ARFGEF2: variants seen among roughly 807,000 people sequenced by gnomAD.
ARFGEF2 encodes brefeldin A-inhibited guanine nucleotide-exchange protein 2.
In ARFGEF2, 74 loss-of-function variants were observed where a neutral mutation model predicts 219.9. The observed-to-expected ratio is 0.34, with a 90% confidence interval of 0.28 to 0.41. ARFGEF2 has a LOEUF of 0.41. Ranked by LOEUF, ARFGEF2 falls within the 10% of genes least tolerant of loss-of-function variation. The pLI, the probability that ARFGEF2 is intolerant of heterozygous loss-of-function variation, is 1.00. For missense variants in ARFGEF2, 1,743 were observed against 2,218.3 expected (o/e 0.79, Z 4.30); for synonymous variants, 733 against 799.2 (o/e 0.92, Z 1.40).
In ARFGEF2 at chr20:48,991,218, G is replaced by C. The variant is rs756024978; in HGVS notation, c.2973+20G>C. ...CATGAGGTACGTGTCTCTTTGAATT[G>C]CCTTTTCTCAGTTAGGATGACTCCT... On this transcript the variant is annotated intron_variant, in intron 21 of 38. Transcript: ENST00000371917. The C allele has an allele frequency of 6.2e-7, 1 of 1,614,064 alleles. No homozygotes were observed. Among genetic ancestry groups the C allele is most frequent in the Non-Finnish European group, 8.5e-7 (1 of 1,179,984 alleles).
intron 13 of ARFGEF2, among the ~76,000 whole-genome samples, chr20:48,975,469 T>C (rs1192602863): frequency 6.6e-6 from 1 of 152,184 alleles, no homozygotes; most frequent in Non-Finnish European, 1.5e-5. Flanking sequence ...TGTCTTGATC[T>C]TTTTTTGCCT....
Position 48,976,066 on chromosome 20 carries a change from A to G in ARFGEF2, c.1825A>G (p.Met609Val). 2 of 1,613,058 alleles carry G rather than the reference A, an allele frequency of 1.2e-6. No individual in the cohort carries two copies. Among genetic ancestry groups the G allele is most frequent in the South Asian group, 1.1e-5 (1 of 91,032 alleles). ...AATAGGGGATGGGAAAGGCCTTGAC[A>G]TGGCAAGACGGTGTAGTGTGACGTC... ...QEIGDGKGLD[M>V]ARRCSVTSME... Residue 609 changes from methionine to valine, a missense_variant, in exon 14 of 39, where the codon ATG (methionine) becomes GTG (valine). Coordinates refer to ENST00000371917, the MANE Select transcript of ARFGEF2 (RefSeq NM_006420.3).
Position 49,005,152 on chromosome 20 carries a change from G to A in ARFGEF2, c.3515G>A (p.Gly1172Asp), listed in dbSNP as rs1402821056. ...CTCTCCATGAAGTTTCTTGAGAAGG[G>A]TGAATTAGCCAACTTCCGTTTCCAG... ...RQLSMKFLEK[G>D]ELANFRFQKD... The change falls in exon 26 of 39, where the codon GGT becomes GAT. Residue 1172 changes from glycine (G) to aspartate (D), a missense_variant. By Grantham distance (94) the Gly-to-Asp change is moderately conservative. Coordinates refer to ENST00000371917, the MANE Select transcript of ARFGEF2 (RefSeq NM_006420.3). 3 of 1,614,074 alleles carry A rather than the reference G, an allele frequency of 1.9e-6. No homozygotes were observed. Among genetic ancestry groups the A allele is most frequent in the Non-Finnish European group, 2.5e-6 (3 of 1,180,046 alleles).
chr20:48,993,819 C>T (rs998122002), intron 21 of ARFGEF2, among the ~76,000 whole-genome samples: 1 of 152,206 alleles, frequency 6.6e-6, no homozygotes, highest in African/African-American at 2.4e-5. Flanking sequence ...ATTCTCATTC[C>T]TTCAGTTAAA....
intron 37 of ARFGEF2, among the ~76,000 whole-genome samples, chr20:49,031,651 C>T (rs1344652780): frequency 1.3e-5 from 2 of 152,028 alleles, no homozygotes; most frequent in African/African-American, 2.4e-5. Context: ...GGCTCAGGCT[C>T]ACATCTATAA....
chr20:49,023,763 C>G (rs925866674), intron 35 of ARFGEF2, among the ~76,000 whole-genome samples: 2 of 151,966 alleles, frequency 1.3e-5, no homozygotes, highest in African/African-American at 4.8e-5. Context: ...TGGTCTCGAT[C>G]TCCTGACCTC....
In ARFGEF2 at chr20:48,976,177, A is replaced by G. The variant is rs1297707139; in HGVS notation, c.1936A>G (p.Ile646Val). 4 of 1,613,992 alleles carry G rather than the reference A, an allele frequency of 2.5e-6. No homozygotes were observed. The highest frequency in any genetic ancestry group is 3.3e-4 in the Middle Eastern group (2 of 6,016). Residue 646 changes from isoleucine (I) to valine (V), a missense_variant, in exon 14 of 39, where the codon ATC becomes GTC. Around this residue, in one of 5 missense-constraint regions of ARFGEF2, gnomAD observed 666 missense variants for 955.4 expected, o/e 0.70. Coordinates refer to ENST00000371917, the MANE Select transcript of ARFGEF2 (RefSeq NM_006420.3). ...TGAGGTCATCAAGCAACAAAAAGAA[A>G]TCATTGAACACGGCATCGAGCTGTG... ...QFEVIKQQKE[I>V]IEHGIELFNK...
At chr20:49,011,855 G>T in intron 27 of ARFGEF2, 69 bp from the exon 28 acceptor site, 1 of 1,479,150 alleles carries the variant, frequency 6.8e-7, no homozygotes, top group Non-Finnish European at 9.4e-7. Context: ...GTGTGTGCAC[G>T]CACGTGCATT....
At chr20:48,944,661 TCACCAAGTTGCCCAGG>T (rs1356701232) in intron 3 of ARFGEF2, among the ~76,000 whole-genome samples, 1 of 152,178 alleles carries the variant, frequency 6.6e-6, no homozygotes, top group African/African-American at 2.4e-5. Context: ...AGACAGGGTT[TCACCAAGTTGCCCAGG>T]CTGGTCTAGA....
At chr20:49,008,543 AC>A (rs2091477037) in intron 26 of ARFGEF2, among the ~76,000 whole-genome samples, 1 of 147,828 alleles carries the variant, frequency 6.8e-6, no homozygotes, top group Admixed American at 6.7e-5. Flanking sequence ...AGCCTGAATG[AC>A]GAGAGAAACT....
intron 1 of ARFGEF2, among the ~76,000 whole-genome samples, chr20:48,938,966 GGTTTTTTTTGTTT>G (rs1334598995): frequency 2.0e-5 from 3 of 150,382 alleles, no homozygotes; most frequent in Non-Finnish European, 4.4e-5. Flanking sequence ...TTGTTTTATG[GGTTTTTTTTGTTT>G]GTTTTTTTTT....
Position 48,989,257 on chromosome 20 carries a change from C to A in ARFGEF2, c.2534-28C>A, listed in dbSNP as rs114439207. The A allele has an allele frequency of 2.6e-4, 415 of 1,613,846 alleles. 1 individual carries two copies. In the African/African-American group the frequency reaches 5.1e-3, roughly 20 times the overall value. ...GTAGCCAGCCCTCAGTGACTGCTAGCCACACCTATCATGCTCTTACTTTAC... is the reference window on the plus strand; with the variant it reads ...GTAGCCAGCCCTCAGTGACTGCTAGACACACCTATCATGCTCTTACTTTAC... On this transcript the variant is annotated intron_variant, in intron 18 of 38. Transcript: ENST00000371917.
At chr20:48,948,552 A>C (rs2091044204) in intron 3 of ARFGEF2, among the ~76,000 whole-genome samples, 1 of 152,210 alleles carries the variant, frequency 6.6e-6, no homozygotes, top group Non-Finnish European at 1.5e-5. Context: ...ATTTGTACCA[A>C]ATATATTCAT....
Position 49,025,379 on chromosome 20 carries a change from T to C in ARFGEF2, c.4822T>C (p.Ser1608Pro), listed in dbSNP as rs2091595683. ...EDQGMYKYMS[S>P]QHLFKLLDCL... ...TCAGGGCATGTATAAGTACATGTCT[T>C]CCCAGCACCTCTTCAAGCTGTTGGA... Residue 1608 changes from serine (S) to proline (P), a missense_variant, in exon 36 of 39, where the codon TCC becomes CCC. Ser to Pro is a moderately conservative substitution (Grantham distance 74, BLOSUM62 -1). This residue lies in a region of ARFGEF2 where 578 missense variants were observed against 664.0 expected (regional missense o/e 0.87). Coordinates refer to ENST00000371917, the MANE Select transcript of ARFGEF2 (RefSeq NM_006420.3). 1.2e-6 allele frequency: 2 copies of C among 1,613,960 alleles called. No homozygotes were observed. The highest frequency in any genetic ancestry group is 2.7e-5 in the African/African-American group (2 of 74,902).
At chr20:49,002,964 CTTTT>C (rs558842301) in intron 25 of ARFGEF2, among the ~76,000 whole-genome samples, 1 of 112,662 alleles carries the variant, frequency 8.9e-6, no homozygotes, top group Non-Finnish European at 1.8e-5. Context: ...ATTTTTTTAA[CTTTT>C]TTTTTTTTTT....
intron 37 of ARFGEF2, 26 bp from the exon 38 acceptor site, chr20:49,032,023 T>C (rs1600565192): frequency 6.9e-7 from 1 of 1,458,284 alleles, no homozygotes; most frequent in Non-Finnish European, 9.6e-7. Flanking sequence ...TTGTTTGATA[T>C]GCCTCCCCCT....
chr20:48,982,623 G>T (rs1288545866), intron 14 of ARFGEF2, among the ~76,000 whole-genome samples: 1 of 152,200 alleles, frequency 6.6e-6, no homozygotes, highest in East Asian at 1.9e-4. Context: ...AGAGGCAGCA[G>T]CCCTTGCAGA....
intron 30 of ARFGEF2, 126 bp downstream of exon 30, chr20:49,014,086 T>C: frequency 7.8e-7 from 1 of 1,286,864 alleles, no homozygotes; most frequent in Non-Finnish European, 1.1e-6. Flanking sequence ...CTTAAGGTTT[T>C]AAAAATGGAA....
At chr20:48,999,161 C>A in intron 25 of ARFGEF2, 2 of 394,556 alleles carry the variant, frequency 5.1e-6, no homozygotes, top group African/African-American at 2.1e-5. Flanking sequence ...TTGCTTGAAC[C>A]TGGGAGGTGG....
Sources: allele counts gnomAD v4.1 joint callset (sites outside exome capture counted in the v4.1 genomes callset), GRCh38; gene constraint gnomAD v4.1.1; regional missense constraint gnomAD v4.1.1; transcripts MANE v1.5; gene names NCBI Gene and HGNC (gene_info 2026-07-23, HGNC 2026-07-21).